The following PRELID2 variants were observed in gnomAD, a reference collection of about 807,000 sequenced individuals.
The protein encoded by PRELID2 is PRELI domain-containing protein 2.
PRELID2 carries 25 observed loss-of-function variants against 28.4 expected under a neutral mutation model. That is an observed-to-expected ratio of 0.88 (90% CI 0.64 to 1.23). The LOEUF is 1.23. Ranked by LOEUF, PRELID2 falls within the 50% of genes most tolerant of loss-of-function variation. The pLI, the probability that PRELID2 is intolerant of heterozygous loss-of-function variation, is 0.00. For synonymous variants in PRELID2, 76 were observed against 71.6 expected, an observed-to-expected ratio of 1.06 and a Z score of -0.31; for missense variants, 201 against 214.4, an observed-to-expected ratio of 0.94 and a Z score of 0.39.
chr5:145,738,679 C>T (rs1423295252), intron 1 of PRELID2, among the ~76,000 whole-genome samples: 1 of 152,036 alleles, frequency 6.6e-6, no homozygotes, highest in African/African-American at 2.4e-5. Context: ...GACAGAGCTT[C>T]AAGATATGTG....
At position 145,569,890 on chromosome 5, in the gene PRELID2, T is replaced by A. The variant is rs144676459; in HGVS notation, n.71-96575A>T. 1.5e-3 allele frequency among the ~76,000 whole-genome samples: 222 copies of A among 152,312 alleles called. 3 individuals carry two copies. Among genetic ancestry groups the A allele is most frequent in the African/African-American group, 5.2e-3 (217 of 41,572 alleles). On this transcript the variant is annotated intron_variant and non_coding_transcript_variant, in intron 1 of 2. Coordinates refer to the PRELID2 transcript ENST00000510259. ...GCTCAGAAAGCTTGTGTTAGTTTGCTAGGGCTGCTATAACAGAGTATAGCA... is the reference window on the plus strand; with the variant it reads ...GCTCAGAAAGCTTGTGTTAGTTTGCAAGGGCTGCTATAACAGAGTATAGCA...
At chr5:145,512,256 T>G (rs1463971601) in intron 1 of PRELID2, among the ~76,000 whole-genome samples, 1 of 152,042 alleles carries the variant, frequency 6.6e-6, no homozygotes, top group East Asian at 1.9e-4. Context: ...AGGTACCCAG[T>G]TAATCTAATT....
At chr5:145,236,165 G>T in the PRELID2 span, among the ~76,000 whole-genome samples, 1 of 152,136 alleles carries the variant, frequency 6.6e-6, no homozygotes, top group Non-Finnish European at 1.5e-5. Context: ...ACAAGGAAGG[G>T]ATCTTCAGTG....
the PRELID2 span, among the ~76,000 whole-genome samples, chr5:145,349,433 C>A: frequency 6.6e-6 from 1 of 151,942 alleles, no homozygotes; most frequent in East Asian, 1.9e-4. Flanking sequence ...CAATCAAATC[C>A]CAAGTATACC....
chr5:145,821,219 CTGTG>C (rs1234241639), intron 2 of PRELID2, among the ~76,000 whole-genome samples: 27 of 100,954 alleles, frequency 2.7e-4, no homozygotes, highest in African/African-American at 7.0e-4. Flanking sequence ...AAGTCCTCTT[CTGTG>C]TGTGTGTATG....
At chr5:145,342,341 C>A in the PRELID2 span, among the ~76,000 whole-genome samples, 1 of 152,004 alleles carries the variant, frequency 6.6e-6, no homozygotes, top group African/African-American at 2.4e-5. Flanking sequence ...AGCAATCACA[C>A]AAAGGAAGAA....
intron 3 of PRELID2, among the ~76,000 whole-genome samples, chr5:145,818,607 T>C (rs139286003): frequency 6.6e-6 from 1 of 152,208 alleles, no homozygotes; most frequent in East Asian, 1.9e-4. Context: ...AGTGAGTATA[T>C]AGGGCAAAGG....
chr5:145,319,569 G>A, the PRELID2 span, among the ~76,000 whole-genome samples: 1 of 152,024 alleles, frequency 6.6e-6, no homozygotes, highest in Non-Finnish European at 1.5e-5. Flanking sequence ...TATTCAGGAG[G>A]CTGAGGCAGG....
At position 145,602,289 on chromosome 5, in the gene PRELID2, T is replaced by A. The variant is rs148007020; in HGVS notation, n.71-128974A>T. ...CATAGGGACCTTAGTAAAATATCTT[T>A]TACTTTGTGCTAGCATCTGGAAGGA... On this transcript the variant is annotated intron_variant and non_coding_transcript_variant, in intron 1 of 2. Transcript: ENST00000510259. Among the ~76,000 whole-genome samples, 1,024 of 152,322 alleles carry A rather than the reference T, an allele frequency of 6.7e-3. 21 individuals carry two copies. The highest frequency in any genetic ancestry group is 0.023 in the African/African-American group (968 of 41,570).
chr5:145,323,431 C>T, the PRELID2 span, among the ~76,000 whole-genome samples: 5 of 152,196 alleles, frequency 3.3e-5, no homozygotes, highest in Admixed American at 6.5e-5. Flanking sequence ...TTTTTAAAGA[C>T]GTCTCTGGCC....
intron 5 of PRELID2, among the ~76,000 whole-genome samples, chr5:145,777,227 G>C (rs1362467217): frequency 6.6e-6 from 1 of 152,160 alleles, no homozygotes; most frequent in Non-Finnish European, 1.5e-5. Flanking sequence ...TAGAGACGGG[G>C]TCTCACACTC....
chr5:145,359,097 C>T, the PRELID2 span, among the ~76,000 whole-genome samples: 1 of 152,138 alleles, frequency 6.6e-6, no homozygotes, highest in Non-Finnish European at 1.5e-5. Context: ...CTCACATGGA[C>T]CAATCTTTAA....
chr5:145,823,064 A>T lies in PRELID2; in HGVS notation c.133+13T>A. 7.2e-7 allele frequency: 1 copy of T among 1,389,446 alleles called. No individual in the cohort carries two copies. The highest frequency in any genetic ancestry group is 1.2e-5 in the South Asian group (1 of 86,394). 86.1% of individuals were successfully genotyped at this position (1,389,446 alleles called of 1,614,324 possible). ...TAATGATCATTACTGAAAAAACTGT[A>T]CAGAGAACTTACCTCTTTTTTCCTC... On this transcript the variant is annotated intron_variant, in intron 2 of 6. Transcript: ENST00000683046.
intron 1 of PRELID2, among the ~76,000 whole-genome samples, chr5:145,713,587 T>A (rs1362686619): frequency 1.5e-5 from 2 of 137,360 alleles, no homozygotes; most frequent in Non-Finnish European, 3.1e-5. Context: ...CACTAAAGTA[T>A]ATATACTTTA....
intron 1 of PRELID2, among the ~76,000 whole-genome samples, chr5:145,561,998 T>C (rs1237715267): frequency 6.6e-6 from 1 of 152,146 alleles, no homozygotes; most frequent in Non-Finnish European, 1.5e-5. Flanking sequence ...GGAATTAAGA[T>C]AGTGGTGATG....
At chr5:145,246,926 C>A in the PRELID2 span, among the ~76,000 whole-genome samples, 1 of 152,130 alleles carries the variant, frequency 6.6e-6, no homozygotes, top group African/African-American at 2.4e-5. Context: ...TCCTGGGGAC[C>A]AGTCTGCCTT....
intron 1 of PRELID2, among the ~76,000 whole-genome samples, chr5:145,738,514 T>A (rs978484235): frequency 1.3e-5 from 2 of 151,850 alleles, no homozygotes; most frequent in African/African-American, 4.8e-5. Context: ...AATGGAAAAT[T>A]AGAACTGAAA....
chr5:145,563,113 A>G (rs1027576639), intron 1 of PRELID2, among the ~76,000 whole-genome samples: 1 of 152,226 alleles, frequency 6.6e-6, no homozygotes, highest in African/African-American at 2.4e-5. Flanking sequence ...ACGCTTGGCC[A>G]ATGATCTTAT....
the PRELID2 span, among the ~76,000 whole-genome samples, chr5:145,394,897 G>A: frequency 1.3e-5 from 2 of 152,112 alleles, no homozygotes; most frequent in African/African-American, 4.8e-5. Context: ...ATATCAAGAT[G>A]TAGAGAACAC....
Sources: gnomAD v4.1 joint callset for allele counts (sites outside exome capture counted in the v4.1 genomes callset) on GRCh38, gnomAD v4.1.1 for gene constraint, MANE v1.5 for transcripts, NCBI Gene and HGNC (gene_info 2026-07-23, HGNC 2026-07-21) for gene names.